MGMT: variants seen among roughly 807,000 people sequenced by gnomAD.
MGMT encodes the protein O-6-methylguanine-DNA methyltransferase, also known as methylated-DNA--protein-cysteine methyltransferase.
A neutral mutation model predicts 15.9 loss-of-function variants in MGMT; 14 were observed. The observed-to-expected ratio is 0.88, with a 90% CI of 0.58 to 1.37. The LOEUF is 1.37. Among genes scored for constraint, MGMT ranks in the 40% most tolerant of loss-of-function variants. The pLI is 0.00. For synonymous variants in MGMT, 130 were observed against 118.2 expected (o/e 1.10, Z -0.65); for missense variants, 282 against 268.1 (o/e 1.05, Z -0.36).
At chr10:129,741,575 G>A (rs1848633499) in intron 3 of MGMT, among the ~76,000 whole-genome samples, 1 of 152,192 alleles carries the variant, frequency 6.6e-6, no homozygotes, top group African/African-American at 2.4e-5. Context: ...TCTCTGAGGT[G>A]TAGACATCAG....
At chr10:129,474,336 G>A (rs931888215) in intron 1 of MGMT, among the ~76,000 whole-genome samples, 8 of 152,318 alleles carry the variant, frequency 5.3e-5, no homozygotes, top group African/African-American at 1.7e-4. Flanking sequence ...CTGGCAGGGC[G>A]GGGACAGTTC....
chr10:129,760,869 G>A (rs1030797812), intron 4 of MGMT, among the ~76,000 whole-genome samples: 4 of 152,242 alleles, frequency 2.6e-5, no homozygotes, highest in African/African-American at 7.2e-5. Context: ...GCTGGTGGGC[G>A]CAATTGACCC....
chr10:129,730,648 C>T (rs1394657173), intron 3 of MGMT, among the ~76,000 whole-genome samples: 1 of 152,202 alleles, frequency 6.6e-6, no homozygotes, highest in Non-Finnish European at 1.5e-5. Context: ...CTCAGGGATA[C>T]CTTGACTGCG....
intron 2 of MGMT, among the ~76,000 whole-genome samples, chr10:129,613,944 T>G (rs1846991596): frequency 6.6e-6 from 1 of 152,252 alleles, no homozygotes; most frequent in African/African-American, 2.4e-5. Context: ...TTTAAAATTA[T>G]GGTAAAATAT....
chr10:129,685,994 T>C (rs566405181), intron 2 of MGMT, among the ~76,000 whole-genome samples: 1 of 152,380 alleles, frequency 6.6e-6, no homozygotes, highest in African/African-American at 2.4e-5. Flanking sequence ...TTTAAGACAA[T>C]GCCCAGTGGC....
intron 2 of MGMT, among the ~76,000 whole-genome samples, chr10:129,680,645 T>C (rs11016870): frequency 0.039 from 4,425 of 114,212 alleles, 1 homozygote; most frequent in African/African-American, 0.057. Flanking sequence ...TGCTCTCCCC[T>C]GGATCTGAAA....
chr10:129,524,582 CTTTTTTT>C (rs66701664), intron 1 of MGMT, among the ~76,000 whole-genome samples: 109 of 68,070 alleles, frequency 1.6e-3, no homozygotes, highest in East Asian at 2.0e-3. Flanking sequence ...TCCAAAAAGA[CTTTTTTT>C]TTTTTTTTTT....
In MGMT at chr10:129,488,002, T is replaced by TAC. The variant is rs1491199847; in HGVS notation, c.-13+20707_-13+20708insCA. 2.2e-3 allele frequency among the ~76,000 whole-genome samples: 168 copies of TAC among 75,814 alleles called. 2 individuals carry two copies. The highest frequency in any genetic ancestry group is 6.5e-3 in the African/African-American group (151 of 23,350). The allele number at this position is 75,814 out of a possible 152,430, so 49.7% of individuals were successfully genotyped here. ...GTATACACACACACACACACATAGG[T>TAC]ATACACACACACACACACACACACA... is the stretch of plus-strand genomic sequence containing the variant. On this transcript the variant is annotated intron_variant, in intron 1 of 4. Transcript: ENST00000651593.
At chr10:129,708,151 T>C (rs1470430126) in intron 3 of MGMT, 108 bp downstream of exon 3, 2 of 1,426,630 alleles carry the variant, frequency 1.4e-6, no homozygotes, top group African/African-American at 1.4e-5. Flanking sequence ...TATTTTTACA[T>C]CAGCTAAACA....
chr10:129,545,912 G>A (rs970651846), intron 2 of MGMT, among the ~76,000 whole-genome samples: 1 of 152,202 alleles, frequency 6.6e-6, no homozygotes, highest in Non-Finnish European at 1.5e-5. Context: ...GTACAGGGTA[G>A]CTCTTGCGTG....
chr10:129,605,614 C>G (rs948780504), intron 2 of MGMT, among the ~76,000 whole-genome samples: 3 of 152,070 alleles, frequency 2.0e-5, no homozygotes, highest in African/African-American at 7.2e-5. Context: ...CATGTGAAGC[C>G]CATTTTTTCC....
intron 2 of MGMT, among the ~76,000 whole-genome samples, chr10:129,560,954 AGTGTGTGTGTGTGTGT>A (rs57984603): frequency 4.5e-5 from 6 of 133,320 alleles, no homozygotes; most frequent in African/African-American, 1.4e-4. Flanking sequence ...AGTAAAGAGC[AGTGTGTGTGTGTGTGT>A]GTGTGTGTGT....
intron 1 of MGMT, among the ~76,000 whole-genome samples, chr10:129,468,082 A>T (rs186628290): frequency 7.9e-6 from 1 of 126,780 alleles, no homozygotes; most frequent in African/African-American, 3.4e-5. Flanking sequence ...TGTTCTCAGT[A>T]GAATGTTAAG....
intron 3 of MGMT, among the ~76,000 whole-genome samples, chr10:129,717,116 T>C (rs1401051821): frequency 6.6e-6 from 1 of 152,282 alleles, no homozygotes; most frequent in Admixed American, 6.5e-5. Context: ...AATTTTTATA[T>C]GGTTATGAGT....
chr10:129,754,676 C>T (rs942635269), intron 3 of MGMT, among the ~76,000 whole-genome samples: 7 of 152,218 alleles, frequency 4.6e-5, no homozygotes, highest in East Asian at 1.9e-4. Flanking sequence ...AAGAGCATGA[C>T]GCCGGCATCT....
rs1337891567 is a variant in MGMT, at chr10:129,659,628, A to G, written c.126-48267A>G. Among the ~76,000 whole-genome samples, 2 of 152,344 alleles carry G rather than the reference A, an allele frequency of 1.3e-5. No homozygotes were observed. The highest frequency in any genetic ancestry group is 2.4e-5 in the African/African-American group (1 of 41,576). ...TGAGGGGTGAGGAAGTAGCATGTAC[A>G]AAGGCCCTGAAGATGAATGACTGTG... is the stretch of plus-strand genomic sequence containing the variant. On this transcript the variant is annotated intron_variant, in intron 2 of 4. Coordinates refer to ENST00000651593, the MANE Select transcript of MGMT (RefSeq NM_002412.5). The surrounding 1 kb of genome is among the most constrained non-coding windows in gnomAD (Gnocchi z 4.1).
At chr10:129,563,068 C>T (rs964963102) in intron 2 of MGMT, among the ~76,000 whole-genome samples, 1 of 152,154 alleles carries the variant, frequency 6.6e-6, no homozygotes, top group African/African-American at 2.4e-5. Flanking sequence ...TGATGCTGCC[C>T]AACTGTAGCT....
chr10:129,485,280 T>C, intron 1 of MGMT, among the ~76,000 whole-genome samples: 1 of 152,092 alleles, frequency 6.6e-6, no homozygotes, highest in East Asian at 1.9e-4. Context: ...TGATTCTAGG[T>C]GTTTTGTTCT....
chr10:129,625,839 C>T (rs918835094), intron 2 of MGMT, among the ~76,000 whole-genome samples: 2 of 152,216 alleles, frequency 1.3e-5, no homozygotes, highest in Non-Finnish European at 2.9e-5. Context: ...CAGGAGTTTT[C>T]AAGTGCTCTA....
Sources: gnomAD v4.1 joint callset for allele counts (sites outside exome capture counted in the v4.1 genomes callset) on GRCh38, gnomAD v4.1.1 for gene constraint, Gnocchi (gnomAD v3.1) non-coding constraint, MANE v1.5 for transcripts, NCBI Gene and HGNC (gene_info 2026-07-23, HGNC 2026-07-21) for gene names.